ANXA4: variants seen among roughly 807,000 people sequenced by gnomAD.
ANXA4 encodes 35-beta calcimedin.
A neutral mutation model predicts 49.8 loss-of-function variants in ANXA4; 39 were observed. That is an observed-to-expected ratio of 0.78 (90% CI 0.61 to 1.02). ANXA4 has a LOEUF of 1.02. Ranked by LOEUF, ANXA4 falls within the 50% of genes least tolerant of loss-of-function variation. The pLI is 0.00. For synonymous variants in ANXA4, 134 were observed against 152.5 expected (o/e 0.88, Z 0.89); for missense variants, 360 against 410.1 (o/e 0.88, Z 1.05).
chr2:69,654,616 T>C (rs1477539092), intron 2 of ANXA4, among the ~76,000 whole-genome samples: 1 of 152,196 alleles, frequency 6.6e-6, no homozygotes, highest in East Asian at 1.9e-4. Flanking sequence ...GAACCAGCCT[T>C]GCATCCCAGG....
chr2:69,763,662 C>CT (rs58726825), intron 1 of ANXA4, among the ~76,000 whole-genome samples: 2,213 of 136,616 alleles, frequency 0.016, 49 homozygotes, highest in East Asian at 0.095. Context: ...GGACATAATA[C>CT]TTTTTTTTTT....
intron 1 of ANXA4, among the ~76,000 whole-genome samples, chr2:69,645,809 G>A (rs1430765886): frequency 6.6e-6 from 1 of 152,096 alleles, no homozygotes; most frequent in African/African-American, 2.4e-5. Flanking sequence ...CAAATCCACA[G>A]TTTTTCATGC....
At chr2:69,678,182 A>G (rs1047157967) in intron 2 of ANXA4, among the ~76,000 whole-genome samples, 3 of 152,120 alleles carry the variant, frequency 2.0e-5, no homozygotes, top group African/African-American at 7.2e-5. Flanking sequence ...CATTTAGGCC[A>G]TTTACAATTT....
chr2:69,710,504 C>A (rs1298841353), intron 2 of ANXA4, among the ~76,000 whole-genome samples: 1 of 149,162 alleles, frequency 6.7e-6, no homozygotes, highest in Non-Finnish European at 1.5e-5. Flanking sequence ...TATGGAAATC[C>A]TTATGCATGA....
intron 2 of ANXA4, among the ~76,000 whole-genome samples, chr2:69,782,692 C>G (rs1029901680): frequency 2.0e-5 from 3 of 151,990 alleles, no homozygotes; most frequent in African/African-American, 7.3e-5. Context: ...CTTATGGTGC[C>G]CCTACTTTGT....
intron 1 of ANXA4, among the ~76,000 whole-genome samples, chr2:69,651,723 C>G (rs1322370486): frequency 6.7e-6 from 1 of 149,452 alleles, no homozygotes; most frequent in Non-Finnish European, 1.5e-5. Flanking sequence ...AAGATGGTCT[C>G]AATCTCCTGA....
chr2:69,645,197 C>A (rs898300407), intron 1 of ANXA4, among the ~76,000 whole-genome samples: 2 of 152,072 alleles, frequency 1.3e-5, no homozygotes, highest in Non-Finnish European at 2.9e-5. Context: ...TTAACAGTAG[C>A]GTTTGTTGTT....
At chr2:69,718,114 C>T (rs1669698745) in intron 2 of ANXA4, among the ~76,000 whole-genome samples, 1 of 152,196 alleles carries the variant, frequency 6.6e-6, no homozygotes, top group South Asian at 2.1e-4. Flanking sequence ...CATGGGACTT[C>T]TCTGTGGGAG....
chr2:69,677,795 C>T (rs1039554966), intron 2 of ANXA4, among the ~76,000 whole-genome samples: 1 of 152,120 alleles, frequency 6.6e-6, no homozygotes, highest in African/African-American at 2.4e-5. Flanking sequence ...TGGAATTATT[C>T]TTCCTTAAGG....
chr2:69,786,830 T>A (rs1672435835), intron 2 of ANXA4, among the ~76,000 whole-genome samples: 1 of 152,050 alleles, frequency 6.6e-6, no homozygotes, highest in Admixed American at 6.6e-5. Flanking sequence ...CAAGAGATCC[T>A]CCCACCTCAG....
intron 1 of ANXA4, among the ~76,000 whole-genome samples, chr2:69,767,855 A>G (rs1671554479): frequency 6.6e-6 from 1 of 152,200 alleles, no homozygotes; most frequent in South Asian, 2.1e-4. Flanking sequence ...TTATTCTGTC[A>G]TGATTCTAAA....
At chr2:69,750,118 T>TA (rs946933376) in intron 1 of ANXA4, among the ~76,000 whole-genome samples, 11 of 151,700 alleles carry the variant, frequency 7.3e-5, no homozygotes, top group African/African-American at 9.7e-5. Context: ...ACCAATTAAT[T>TA]AAAAAAAAAT....
At chr2:69,759,664 T>C (rs1291015050) in intron 1 of ANXA4, among the ~76,000 whole-genome samples, 1 of 152,112 alleles carries the variant, frequency 6.6e-6, no homozygotes, top group Non-Finnish European at 1.5e-5. Context: ...AGGTTAATAG[T>C]GATAAATAAA....
chr2:69,706,599 G>T (rs1678508341), intron 2 of ANXA4, among the ~76,000 whole-genome samples: 1 of 152,166 alleles, frequency 6.6e-6, no homozygotes, highest in Admixed American at 6.5e-5. Flanking sequence ...ACCGCGCCCA[G>T]TCGGTACAAT....
At chr2:69,765,430 T>C (rs1671458179) in intron 1 of ANXA4, among the ~76,000 whole-genome samples, 1 of 152,180 alleles carries the variant, frequency 6.6e-6, no homozygotes, top group African/African-American at 2.4e-5. Context: ...GCCATTCTAA[T>C]GGGTATGAGT....
upstream of ANXA4, among the ~76,000 whole-genome samples, chr2:69,644,165 T>TTCCCCCCCCCCCCCCCCCC (rs1553424953): frequency 4.7e-5 from 1 of 21,116 alleles, no homozygotes; most frequent in Non-Finnish European, 1.3e-4. Context: ...ACAACTAAGT[T>TTCCCCCCCCCCCCCCCCCC]CCCCCCCCCC....
At chr2:69,792,246 T>C (rs1672724977) in intron 3 of ANXA4, among the ~76,000 whole-genome samples, 2 of 152,230 alleles carry the variant, frequency 1.3e-5, no homozygotes, top group Admixed American at 6.5e-5. Flanking sequence ...TGCCAAAATG[T>C]TGAGCCAGAA....
chr2:69,652,266 A>C (rs1676281696), intron 1 of ANXA4, among the ~76,000 whole-genome samples: 1 of 152,052 alleles, frequency 6.6e-6, no homozygotes, highest in South Asian at 2.1e-4. Flanking sequence ...TCAGACTCTC[A>C]AAGTGCTGGG....
chr2:69,760,539 C>A (rs1194658343), intron 1 of ANXA4, among the ~76,000 whole-genome samples: 2 of 152,194 alleles, frequency 1.3e-5, no homozygotes, highest in African/African-American at 2.4e-5. Flanking sequence ...CTAATAGTTT[C>A]CTAAGTGTTT....
Sources: allele counts gnomAD v4.1 joint callset (sites outside exome capture counted in the v4.1 genomes callset), GRCh38; gene constraint gnomAD v4.1.1; transcripts MANE v1.5; gene names NCBI Gene and HGNC (gene_info 2026-07-23, HGNC 2026-07-21).